Variants in KCNAB2 observed in about 807,000 individuals in gnomAD.
KCNAB2 encodes voltage-gated potassium channel subunit beta-2.
A neutral mutation model predicts 63.6 loss-of-function variants in KCNAB2; 29 were observed. The ratio of observed to expected loss-of-function variants is 0.46; its 90% CI spans 0.34 to 0.62. The LOEUF is 0.62. Ranked by LOEUF, KCNAB2 falls within the 20% of genes least tolerant of loss-of-function variation. The pLI, the probability that KCNAB2 is intolerant of heterozygous loss-of-function variation, is 0.01. For missense variants in KCNAB2, 359 were observed against 563.9 expected (o/e 0.64, Z 3.68); for synonymous variants, 222 against 224.2 (o/e 0.99, Z 0.09).
In KCNAB2 at chr1:6,086,224, C is replaced by A. The variant is rs866115095; in HGVS notation, c.425+976C>A. 11 of 985,136 alleles carry A rather than the reference C, an allele frequency of 1.1e-5. 1 individual carries two copies. The South Asian group carries it at 4.7e-4, about 42-fold the overall frequency. The allele number at this position is 985,136 out of a possible 1,614,324, so 61.0% of individuals were successfully genotyped here. A position where few individuals can be genotyped will look rare whatever the true frequency, so the allele number is the denominator to read the frequency against. On this transcript the variant is annotated intron_variant, in intron 6 of 15. Transcript: ENST00000378083. This position sits in a 1 kb window ranked among gnomAD's most constrained non-coding sequence, Gnocchi z 4.2. Reference sequence around the variant, plus strand: ...TCCCCTCGAAATGCCACTCAGAATCCCAGTGCCAAGGGGAGCCCCCGCCCC... The same window carrying A: ...TCCCCTCGAAATGCCACTCAGAATCACAGTGCCAAGGGGAGCCCCCGCCCC...
intron 1 of KCNAB2, among the ~76,000 whole-genome samples, chr1:6,006,932 G>C (rs1446087511): frequency 1.3e-5 from 2 of 152,084 alleles, no homozygotes; most frequent in African/African-American, 4.8e-5. Flanking sequence ...GCCTGTGTAA[G>C]ATGAGCACTG....
rs75684384 is a variant in KCNAB2, at chr1:6,038,466, T to C, written c.-52-2051T>C. Among the ~76,000 whole-genome samples, 47 of 152,218 alleles carry C rather than the reference T, an allele frequency of 3.1e-4. No homozygotes were observed. In the East Asian group the frequency reaches 3.1e-3, roughly 10 times the overall value. ...TCACCACGCCCAGCTAATTTTTTTA[T>C]TTTTTAATTTTTTTGTAGAGACTGG... is the stretch of plus-strand genomic sequence containing the variant. On this transcript the variant is annotated intron_variant, in intron 1 of 15. Transcript: ENST00000164247.
Position 6,082,177 on chromosome 1 carries a change from T to C in KCNAB2, c.301-18T>C. On this transcript the variant is annotated intron_variant, in intron 4 of 15. Coordinates refer to ENST00000378083, the MANE Select transcript of KCNAB2 (RefSeq NM_001199862.2). ...CCCACCCCCGGCTGGCAGGACAGTGTCGGTTTTCTCGTTTCAGATGGCAGA... is the reference window on the plus strand; with the variant it reads ...CCCACCCCCGGCTGGCAGGACAGTGCCGGTTTTCTCGTTTCAGATGGCAGA... 1.2e-6 allele frequency: 2 copies of C among 1,611,170 alleles called. No homozygotes were observed. The highest frequency in any genetic ancestry group is 1.7e-4 in the Middle Eastern group (1 of 6,054).
chr1:6,022,661 C>A (rs1365039575), intron 1 of KCNAB2, among the ~76,000 whole-genome samples: 1 of 152,136 alleles, frequency 6.6e-6, no homozygotes, highest in Non-Finnish European at 1.5e-5. Context: ...CCTCCCCTGC[C>A]CCTGAGGGCC....
In KCNAB2 at chr1:6,058,102, C is replaced by A. The variant is rs116095159; in HGVS notation, c.218+6348C>A. Among the ~76,000 whole-genome samples the A allele has an allele frequency of 5.8e-3, 885 of 152,248 alleles. 13 individuals carry two copies. Among genetic ancestry groups the A allele is most frequent in the African/African-American group, 0.02 (851 of 41,526 alleles). On this transcript the variant is annotated intron_variant, in intron 2 of 15. Transcript: ENST00000378083. The stretch of plus-strand genomic sequence containing the variant: ...GGCAGAGTCTGCAGTGAGCCGAGAT[C>A]GAACCACTGGCACTCCAGCCTGGGT...
At chr1:6,093,386 G>A (rs535157494) in intron 10 of KCNAB2, among the ~76,000 whole-genome samples, 5 of 152,352 alleles carry the variant, frequency 3.3e-5, no homozygotes, top group East Asian at 1.9e-4. Context: ...AAATTTCGAC[G>A]CCAAGTTCTG....
At chr1:6,030,927 G>GGTGT (rs70981310), upstream of KCNAB2, among the ~76,000 whole-genome samples, 313 of 149,548 alleles carry the variant, frequency 2.1e-3, no homozygotes, top group African/African-American at 5.6e-3. Context: ...TATGTGTAGG[G>GGTGT]GTGTGTGTGT....
chr1:6,091,119 G>C (rs1404410509), intron 9 of KCNAB2, 144 bp from the exon 10 acceptor site: 20 of 690,380 alleles, frequency 2.9e-5, no homozygotes, highest in Non-Finnish European at 4.7e-5. Context: ...GCACGTGCGT[G>C]TGTTGATATA....
At chr1:6,042,836 A>G (rs866121018), upstream of KCNAB2, among the ~76,000 whole-genome samples, 4 of 11,830 alleles carry the variant, frequency 3.4e-4, no homozygotes, top group Admixed American at 1.6e-3. Flanking sequence ...CCGCGCCCCC[A>G]CTCCCCACCC....
rs34852966 is a variant in KCNAB2 at position 6,074,954 on chromosome 1, GAAA to G, written c.300+1197_300+1199del. ...AGGCCGTAGAGTAAGACTCTGTCTCGAAAAAAAAAAAAAAAGACAATAGCTGGT... is the reference window on the plus strand; with the variant it reads ...AGGCCGTAGAGTAAGACTCTGTCTCGAAAAAAAAAAAAGACAATAGCTGGT... On this transcript the variant is annotated intron_variant, in intron 4 of 15. Transcript: ENST00000378083. The surrounding 1 kb of genome is among the most constrained non-coding windows in gnomAD (Gnocchi z 4.9). 1.5e-5 allele frequency among the ~76,000 whole-genome samples: 2 copies of G among 136,084 alleles called. No homozygotes were observed. The highest frequency in any genetic ancestry group is 1.6e-5 in the Non-Finnish European group (1 of 62,910). 89.3% of individuals were successfully genotyped at this position (136,084 alleles called of 152,430 possible).
chr1:6,020,363 A>G (rs371618148), intron 1 of KCNAB2, among the ~76,000 whole-genome samples: 1 of 152,130 alleles, frequency 6.6e-6, no homozygotes, highest in East Asian at 1.9e-4. Flanking sequence ...GCTGCAGTAC[A>G]GCCTCCCACC....
rs569065915 is a variant in KCNAB2, at chr1:6,070,425, G to A, written c.219-2330G>A. 2.0e-5 allele frequency among the ~76,000 whole-genome samples: 3 copies of A among 152,284 alleles called. No individual in the cohort carries two copies. In the South Asian group the frequency reaches 6.2e-4, roughly 32 times the overall value. ...GACCAGGCTTATGTGGAATGTATTAGTGGTACAGTTGGGCTGTTCTCCCCA... is the reference window on the plus strand; with the variant it reads ...GACCAGGCTTATGTGGAATGTATTAATGGTACAGTTGGGCTGTTCTCCCCA... On this transcript the variant is annotated intron_variant, in intron 2 of 15. Transcript: ENST00000378083.
At chr1:6,045,785 G>C (rs1660867985), upstream of KCNAB2, 7 of 471,700 alleles carry the variant, frequency 1.5e-5, no homozygotes, top group African/African-American at 2.1e-5. This position sits in a 1 kb window ranked among gnomAD's most constrained non-coding sequence, Gnocchi z 4.8. Flanking sequence ...CCAAAGGTTT[G>C]TGTTTCTGGC....
chr1:6,072,524 C>T (rs1571025790), intron 2 of KCNAB2, among the ~76,000 whole-genome samples: 1 of 152,214 alleles, frequency 6.6e-6, no homozygotes, highest in Non-Finnish European at 1.5e-5. Flanking sequence ...CCCCACTGGG[C>T]ACCAGCAGGG....
intron 10 of KCNAB2, among the ~76,000 whole-genome samples, chr1:6,092,106 A>G (rs1337197125): frequency 3.3e-5 from 5 of 152,186 alleles, no homozygotes; most frequent in Admixed American, 2.0e-4. Flanking sequence ...GCGGCAGGAG[A>G]TGCTGTGAGT....
chr1:6,062,441 T>G (rs2100598093), intron 2 of KCNAB2, among the ~76,000 whole-genome samples: 1 of 152,324 alleles, frequency 6.6e-6, no homozygotes, highest in South Asian at 2.1e-4. Context: ...TTGTGTCCCT[T>G]AGTATCATAT....
At chr1:6,091,092 T>C (rs1187787748) in intron 9 of KCNAB2, among the ~76,000 whole-genome samples, 171 bp from the exon 10 acceptor site, 1 of 152,240 alleles carries the variant, frequency 6.6e-6, no homozygotes, top group East Asian at 1.9e-4. Flanking sequence ...TGTTTTTTAT[T>C]TGTTCATATA....
At chr1:6,013,176 G>A (rs1473893847) in intron 1 of KCNAB2, among the ~76,000 whole-genome samples, 6 of 152,140 alleles carry the variant, frequency 3.9e-5, no homozygotes, top group African/African-American at 9.7e-5. Flanking sequence ...CATCAAAAGC[G>A]TGCTGGGCAC....
intron 1 of KCNAB2, among the ~76,000 whole-genome samples, chr1:5,997,034 C>T (rs767256186): frequency 2.6e-5 from 4 of 152,302 alleles, no homozygotes; most frequent in Admixed American, 1.3e-4. Flanking sequence ...ACGGATCATT[C>T]GTGTCTCCCT....
Sources: allele counts gnomAD v4.1 joint callset (sites outside exome capture counted in the v4.1 genomes callset), GRCh38; gene constraint gnomAD v4.1.1; non-coding constraint Gnocchi (gnomAD v3.1); transcripts MANE v1.5; gene names NCBI Gene and HGNC (gene_info 2026-07-23, HGNC 2026-07-21).